Variants in TBC1D1 observed in about 807,000 individuals in gnomAD.
The protein encoded by TBC1D1 is TBC1 domain family member 1.
Under a neutral mutation model 125.6 loss-of-function variants are expected in TBC1D1, and 89 were observed. The observed-to-expected ratio is 0.71, with a 90% CI of 0.60 to 0.85. The LOEUF (loss-of-function observed/expected upper bound fraction) is 0.85, where lower values mean the gene tolerates loss of function less well. TBC1D1 is among the 40% of genes least tolerant of loss of function. TBC1D1 has a pLI of 0.00. For missense variants in TBC1D1, 1,377 were observed against 1,469.2 expected, an observed-to-expected ratio of 0.94 and a Z score of 1.03; for synonymous variants, 565 against 564.1, an observed-to-expected ratio of 1.00 and a Z score of -0.02.
intron 2 of TBC1D1, among the ~76,000 whole-genome samples, chr4:37,925,113 C>G (rs1721790765): frequency 6.6e-6 from 1 of 152,222 alleles, no homozygotes; most frequent in Non-Finnish European, 1.5e-5. Flanking sequence ...ACACATGCAG[C>G]ATACACTGTC....
chr4:37,996,957 T>A (rs1187910609), intron 2 of TBC1D1, among the ~76,000 whole-genome samples: 2 of 152,376 alleles, frequency 1.3e-5, no homozygotes, highest in East Asian at 3.9e-4. Context: ...TTTGGCTTTT[T>A]AAGATTTGGA....
chr4:38,027,186 T>C (rs1304668498), intron 6 of TBC1D1, among the ~76,000 whole-genome samples: 1 of 152,254 alleles, frequency 6.6e-6, no homozygotes, highest in Admixed American at 6.5e-5. Flanking sequence ...TTAGTTTTCT[T>C]AGCTGTAAAC....
intron 2 of TBC1D1, among the ~76,000 whole-genome samples, chr4:37,934,285 T>G (rs1344350671): frequency 6.6e-6 from 1 of 152,096 alleles, no homozygotes; most frequent in East Asian, 1.9e-4. Context: ...TGAGTCAGAA[T>G]GGGCATGGAC....
intron 2 of TBC1D1, among the ~76,000 whole-genome samples, chr4:37,912,790 C>T (rs73142135): frequency 0.012 from 1,858 of 152,274 alleles, 47 homozygotes; most frequent in African/African-American, 0.042. Context: ...TACCAGACAC[C>T]AATCCTACCT....
chr4:37,901,631 T>C (rs1256523030), intron 1 of TBC1D1, among the ~76,000 whole-genome samples: 1 of 152,240 alleles, frequency 6.6e-6, no homozygotes, highest in East Asian at 1.9e-4. Flanking sequence ...GCGAGTCTTT[T>C]AAAATGTAAG....
chr4:37,938,749 C>G (rs1403616844), intron 2 of TBC1D1, among the ~76,000 whole-genome samples: 1 of 152,214 alleles, frequency 6.6e-6, no homozygotes, highest in African/African-American at 2.4e-5. Flanking sequence ...TTGTTCAATT[C>G]CCACCTATGA....
chr4:37,994,317 G>C (rs1459157604), intron 2 of TBC1D1, among the ~76,000 whole-genome samples: 1 of 152,140 alleles, frequency 6.6e-6, no homozygotes, highest in Non-Finnish European at 1.5e-5. Context: ...TTGAGACGAG[G>C]TCTTGCTCTG....
chr4:37,892,907 T>G (rs1195677550), intron 1 of TBC1D1, among the ~76,000 whole-genome samples: 16 of 152,170 alleles, frequency 1.1e-4, no homozygotes. Flanking sequence ...CCCACTTCCC[T>G]AGAAGACAGC....
chr4:38,098,051 C>T (rs187575923), intron 14 of TBC1D1, among the ~76,000 whole-genome samples: 70 of 152,360 alleles, frequency 4.6e-4, no homozygotes, highest in Admixed American at 1.7e-3. Context: ...TCTCAGAACA[C>T]GTATGCAGTG....
intron 2 of TBC1D1, among the ~76,000 whole-genome samples, chr4:37,972,481 CAAA>C (rs74577993): frequency 7.1e-5 from 7 of 98,052 alleles, no homozygotes; most frequent in Admixed American, 1.0e-4. Flanking sequence ...AACGCCGTTT[CAAA>C]AAAAAAAAAA....
At chr4:38,073,783 C>T (rs1445373368) in intron 12 of TBC1D1, among the ~76,000 whole-genome samples, 2 of 151,966 alleles carry the variant, frequency 1.3e-5, no homozygotes, top group African/African-American at 2.4e-5. Flanking sequence ...GAGCTTGTTA[C>T]GTAAGGAGAA....
chr4:38,131,594 T>A (rs1413885395), intron 18 of TBC1D1, among the ~76,000 whole-genome samples: 1 of 152,180 alleles, frequency 6.6e-6, no homozygotes, highest in East Asian at 1.9e-4. Context: ...AGGTAGGCGC[T>A]GTCTGCCCCA....
chr4:38,058,675 A>G (rs1863328), intron 12 of TBC1D1, among the ~76,000 whole-genome samples: 48,226 of 152,096 alleles, frequency 0.32, 8,045 homozygotes, highest in East Asian at 0.62. Context: ...CTTCCAGGTG[A>G]AAAAGCGAGG....
At chr4:38,072,766 C>T (rs1754919237) in intron 12 of TBC1D1, among the ~76,000 whole-genome samples, 1 of 152,310 alleles carries the variant, frequency 6.6e-6, no homozygotes, top group Admixed American at 6.5e-5. Context: ...CAATAAACAA[C>T]TCCTATTCCC....
chr4:38,049,998 T>A, intron 11 of TBC1D1, 100 bp downstream of exon 11: 1 of 1,346,146 alleles, frequency 7.4e-7, no homozygotes, highest in Non-Finnish European at 1.0e-6. Flanking sequence ...GAGAAATGAG[T>A]CAGGCTTTAC....
At position 38,137,229 on chromosome 4, in the gene TBC1D1, T is replaced by G; in HGVS notation, c.3401T>G (p.Leu1134Arg). The G allele has an allele frequency of 6.2e-7, 1 of 1,612,510 alleles. No homozygotes were observed. Among genetic ancestry groups the G allele is most frequent in the Non-Finnish European group, 8.5e-7 (1 of 1,180,016 alleles). Residue 1134 changes from leucine (L) to arginine (R), a missense_variant, in exon 20 of 20, where the codon CTG (leucine) becomes CGG (arginine). Transcript: ENST00000261439. ...AAGCAGGCCATGCTTACCTTAGAAC[T>G]GGAGCGGTCGGCCCTGCTGCAGACG...
intron 3 of TBC1D1, among the ~76,000 whole-genome samples, chr4:38,017,164 T>G (rs924314103): frequency 6.6e-6 from 1 of 152,204 alleles, no homozygotes; most frequent in African/African-American, 2.4e-5. Flanking sequence ...TCTCACCTTA[T>G]GAGATTTTCA....
rs61161366 is a variant in TBC1D1, at chr4:38,083,934, C to CTT, written c.2051-5981_2051-5980dup. ...TTTCTTTATACCAAATGAATGTTGT[C>CTT]TTTTTTTTTTTTTTTTTTCTTGAGA... is the stretch of plus-strand genomic sequence containing the variant. On this transcript the variant is annotated intron_variant, in intron 12 of 19. Transcript: ENST00000261439. Among the ~76,000 whole-genome samples the CTT allele has an allele frequency of 1.1e-3, 147 of 133,294 alleles. 3 individuals carry two copies. The highest frequency in any genetic ancestry group is 3.8e-3 in the Middle Eastern group (1 of 266). 87.4% of individuals were successfully genotyped at this position (133,294 alleles called of 152,430 possible).
At chr4:38,107,776 T>C (rs1343847586) in intron 15 of TBC1D1, among the ~76,000 whole-genome samples, 1 of 152,130 alleles carries the variant, frequency 6.6e-6, no homozygotes, top group African/African-American at 2.4e-5. Flanking sequence ...CCTTAAGAGC[T>C]TGAGTTCTCT....
Sources: gnomAD v4.1 joint callset for allele counts (sites outside exome capture counted in the v4.1 genomes callset) on GRCh38, gnomAD v4.1.1 for gene constraint, MANE v1.5 for transcripts, NCBI Gene and HGNC (gene_info 2026-07-23, HGNC 2026-07-21) for gene names.